Variants in KCNH1 observed in about 807,000 individuals in gnomAD.
KCNH1 encodes potassium voltage-gated channel subfamily H member 1, also known as voltage-gated delayed rectifier potassium channel KCNH1.
KCNH1 carries 27 observed loss-of-function variants against 69.2 expected under a neutral mutation model. That is an observed-to-expected ratio of 0.39 (90% CI 0.29 to 0.54). The LOEUF is 0.54. Among genes scored for constraint, KCNH1 ranks in the 20% least tolerant of loss-of-function variants. The pLI is 0.68. For synonymous variants in KCNH1, 456 were observed against 487.7 expected (o/e 0.93, Z 0.86); for missense variants, 798 against 1,261.6 (o/e 0.63, Z 5.57).
chr1:210,695,061 G>A (rs1433845580), intron 10 of KCNH1, among the ~76,000 whole-genome samples: 1 of 152,192 alleles, frequency 6.6e-6, no homozygotes, highest in Non-Finnish European at 1.5e-5. Flanking sequence ...TGGTTCAGAG[G>A]CTGTTCTAGA....
Position 211,133,819 on chromosome 1 carries a change from G to A in KCNH1, c.79+48C>T, listed in dbSNP as rs991778906. On this transcript the variant is annotated intron_variant, in intron 1 of 10. Transcript: ENST00000271751. The surrounding 1 kb of genome is among the most constrained non-coding windows in gnomAD (Gnocchi z 5.4). ...GAGCGGCGAGAGGTTCTGCAATAAA[G>A]GCACGGATAAAACGCCCGGGTAATC... The A allele has an allele frequency of 2.4e-5, 37 of 1,541,984 alleles. No homozygotes were observed. Among genetic ancestry groups the A allele is most frequent in the Non-Finnish European group, 3.3e-5 (37 of 1,119,694 alleles).
rs748541489 is a variant in KCNH1, at chr1:210,909,499, C to G, written c.1462+10141G>C. 3.0e-4 allele frequency among the ~76,000 whole-genome samples: 46 copies of G among 152,344 alleles called. No individual in the cohort carries two copies. In the South Asian group the frequency reaches 4.6e-3, roughly 15 times the overall value. On this transcript the variant is annotated intron_variant, in intron 7 of 10. Transcript: ENST00000271751. ...AGAAACAAAGGTTCTGAAAGGGAAGCATCTTTACCTTCATTTATGCCATTT... is the reference window on the plus strand; with the variant it reads ...AGAAACAAAGGTTCTGAAAGGGAAGGATCTTTACCTTCATTTATGCCATTT...
intron 6 of KCNH1, among the ~76,000 whole-genome samples, chr1:210,971,848 T>C (rs1574370453): frequency 6.6e-6 from 1 of 152,162 alleles, no homozygotes; most frequent in African/African-American, 2.4e-5. Flanking sequence ...AAGATATATA[T>C]ACTTCATACT....
At chr1:210,999,310 A>T (rs1474252916) in intron 6 of KCNH1, among the ~76,000 whole-genome samples, 2 of 152,232 alleles carry the variant, frequency 1.3e-5, no homozygotes, top group East Asian at 3.8e-4. Context: ...AAATAGACAC[A>T]ATAAAAAATG....
intron 7 of KCNH1, among the ~76,000 whole-genome samples, chr1:210,885,877 A>T (rs1225163664): frequency 6.6e-6 from 1 of 152,220 alleles, no homozygotes. Context: ...TGTCTGAAAG[A>T]GAGGCAGCAG....
At chr1:211,046,019 T>G (rs901134884) in intron 5 of KCNH1, among the ~76,000 whole-genome samples, 1 of 152,228 alleles carries the variant, frequency 6.6e-6, no homozygotes, top group Non-Finnish European at 1.5e-5. Flanking sequence ...AGGATTTGAC[T>G]CTTTTGTAAG....
At chr1:210,887,738 A>T (rs1377460003) in intron 7 of KCNH1, among the ~76,000 whole-genome samples, 2 of 151,288 alleles carry the variant, frequency 1.3e-5, no homozygotes, top group African/African-American at 4.8e-5. Flanking sequence ...AAAAAAAAAA[A>T]AAAAAAGCAG....
At chr1:210,861,935 T>C (rs1229836015) in intron 7 of KCNH1, 1 of 765,216 alleles carries the variant, frequency 1.3e-6, no homozygotes, top group Non-Finnish European at 2.4e-6. Flanking sequence ...TCACGTTTGG[T>C]GATGTGATGA....
intron 6 of KCNH1, among the ~76,000 whole-genome samples, chr1:210,961,413 A>G (rs1302193017): frequency 6.6e-6 from 1 of 152,126 alleles, no homozygotes; most frequent in Non-Finnish European, 1.5e-5. Context: ...TTTCTAATCC[A>G]GTATAAAACC....
At chr1:210,910,912 C>T (rs1049366313) in intron 7 of KCNH1, among the ~76,000 whole-genome samples, 1 of 152,196 alleles carries the variant, frequency 6.6e-6, no homozygotes, top group African/African-American at 2.4e-5. Flanking sequence ...ACATTCATGG[C>T]CATATTACAC....
intron 6 of KCNH1, among the ~76,000 whole-genome samples, chr1:210,955,225 T>G (rs185684421): frequency 7.9e-5 from 12 of 152,310 alleles, no homozygotes; most frequent in Non-Finnish European, 1.3e-4. Context: ...TGTGTGGTGT[T>G]ATTTCTGAGG....
intron 7 of KCNH1, among the ~76,000 whole-genome samples, chr1:210,836,003 C>G (rs573001668): frequency 1.3e-5 from 2 of 150,772 alleles, no homozygotes; most frequent in Admixed American, 1.3e-4. Context: ...GGTGGTGCAC[C>G]CCTGTAGTCC....
chr1:210,836,960 T>C (rs1283894975), intron 7 of KCNH1, among the ~76,000 whole-genome samples: 4 of 152,204 alleles, frequency 2.6e-5, no homozygotes, highest in African/African-American at 9.7e-5. Flanking sequence ...TTCTAGCCCA[T>C]TCTGTACAAC....
intron 9 of KCNH1, among the ~76,000 whole-genome samples, chr1:210,779,013 G>A (rs1284462859): frequency 2.6e-5 from 4 of 152,142 alleles, no homozygotes; most frequent in African/African-American, 9.7e-5. Flanking sequence ...CATAAAACAA[G>A]GGGCAACCAT....
chr1:210,806,855 A>ATATATATAT (rs1553346606), intron 7 of KCNH1, among the ~76,000 whole-genome samples: 6 of 127,358 alleles, frequency 4.7e-5, no homozygotes, highest in East Asian at 2.6e-4. Flanking sequence ...ATATATATAT[A>ATATATATAT]AATTTGCCGG....
At chr1:210,687,690 C>T (rs568496243) in intron 10 of KCNH1, among the ~76,000 whole-genome samples, 4 of 152,326 alleles carry the variant, frequency 2.6e-5, no homozygotes, top group African/African-American at 4.8e-5. Flanking sequence ...TTACTAACTT[C>T]GACTGCTTTT....
chr1:210,917,229 GAGAAAGAA>G (rs1187754589), intron 7 of KCNH1, among the ~76,000 whole-genome samples: 1,529 of 78,754 alleles, frequency 0.019, 24 homozygotes, highest in Non-Finnish European at 0.023. Flanking sequence ...GAGAGAGAGA[GAGAAAGAA>G]AGAAAGAAAG....
At chr1:210,828,998 A>G (rs1309461582) in intron 7 of KCNH1, among the ~76,000 whole-genome samples, 1 of 152,228 alleles carries the variant, frequency 6.6e-6, no homozygotes. Context: ...GCAGGAAAGG[A>G]AGGCCATCAT....
At position 210,679,396 on chromosome 1, in the gene KCNH1, C is replaced by T. The variant is rs1049024394; in HGVS notation, c.*3885G>A. On this transcript the variant is annotated 3_prime_UTR_variant, in exon 11 of 11. Coordinates refer to ENST00000271751, the MANE Select transcript of KCNH1 (RefSeq NM_172362.3). The stretch of plus-strand genomic sequence containing the variant: ...AAGGCTAAACGTCTTTATTGCAAGA[C>T]ATAGTAAAACCTATTAATCAAATGC... The T allele has an allele frequency of 5.3e-5, 8 of 152,174 alleles. No homozygotes were observed. Among genetic ancestry groups the T allele is most frequent in the African/African-American group, 1.9e-4 (8 of 41,424 alleles). 9.4% of individuals were successfully genotyped at this position (152,174 alleles called of 1,614,324 possible).
Sources: gnomAD v4.1 joint callset for allele counts (sites outside exome capture counted in the v4.1 genomes callset) on GRCh38, gnomAD v4.1.1 for gene constraint, Gnocchi (gnomAD v3.1) non-coding constraint, MANE v1.5 for transcripts, NCBI Gene and HGNC (gene_info 2026-07-23, HGNC 2026-07-21) for gene names.